Variants in SLC4A1AP observed in about 807,000 individuals in gnomAD.
SLC4A1AP encodes the protein solute carrier family 4 member 1 adaptor protein, also known as kanadaptin.
SLC4A1AP carries 64 observed loss-of-function variants against 89.7 expected under a neutral mutation model. The ratio of observed to expected loss-of-function variants is 0.71; its 90% CI spans 0.58 to 0.88. The LOEUF (loss-of-function observed/expected upper bound fraction) is 0.88. Among genes scored for constraint, SLC4A1AP ranks in the 40% least tolerant of loss-of-function variants. The probability of loss-of-function intolerance (pLI) is 0.00; values close to 1 mark genes in which losing one functional copy is unlikely to be tolerated. For missense variants in SLC4A1AP, 931 were observed against 965.0 expected (o/e 0.96, Z 0.47); for synonymous variants, 366 against 353.3 (o/e 1.04, Z -0.40).
intron 12 of SLC4A1AP, among the ~76,000 whole-genome samples, chr2:27,690,343 C>A (rs1342662377): frequency 6.6e-6 from 1 of 152,094 alleles, no homozygotes; most frequent in African/African-American, 2.4e-5. Flanking sequence ...GTCCATCATA[C>A]CACTCTGTAT....
At chr2:27,669,317 A>G (rs1443159035) in exon 5 of SLC4A1AP, 1 of 1,613,488 alleles carries the variant, frequency 6.2e-7, no homozygotes, top group Non-Finnish European at 8.5e-7. Flanking sequence ...AGAAAAAAGA[A>G]GCAATGATCC....
At chr2:27,682,388 T>G in intron 9 of SLC4A1AP, 29 bp downstream of exon 9, 1 of 1,420,696 alleles carries the variant, frequency 7.0e-7, no homozygotes, top group Non-Finnish European at 9.9e-7. Context: ...TGTTAAACTT[T>G]TAGCCCTTGA....
intron 10 of SLC4A1AP, among the ~76,000 whole-genome samples, chr2:27,687,109 A>T (rs1258780060): frequency 6.6e-6 from 1 of 151,872 alleles, no homozygotes. Flanking sequence ...CAGTTTATAT[A>T]TTGCTATTTT....
chr2:27,677,065 G>C (rs998545963), intron 6 of SLC4A1AP, among the ~76,000 whole-genome samples: 4 of 152,028 alleles, frequency 2.6e-5, no homozygotes, highest in Non-Finnish European at 5.9e-5. Context: ...CTTGAACCCG[G>C]GAGTCGGAGG....
chr2:27,671,402 G>A (rs1675426483), intron 5 of SLC4A1AP, among the ~76,000 whole-genome samples: 3 of 152,094 alleles, frequency 2.0e-5, no homozygotes, highest in South Asian at 4.1e-4. Context: ...TAATAATTGC[G>A]TTTGCTTTTC....
At chr2:27,675,164 A>T (rs1675496226) in intron 5 of SLC4A1AP, among the ~76,000 whole-genome samples, 1 of 152,226 alleles carries the variant, frequency 6.6e-6, no homozygotes, top group Non-Finnish European at 1.5e-5. Context: ...AATATTATGG[A>T]ACCATCAACA....
chr2:27,670,922 C>CTT lies in SLC4A1AP; in HGVS notation c.1345+1553_1345+1554dup, dbSNP rs34481114. On this transcript the variant is annotated intron_variant, in intron 5 of 13. Coordinates refer to ENST00000613058, the Ensembl canonical transcript of SLC4A1AP. The stretch of plus-strand genomic sequence containing the variant: ...CAAACACCTGTATTTCTTTTCTTTT[C>CTT]TTTTTTTTTTTTTTTTTTTGAGATG... Among the ~76,000 whole-genome samples, 216 of 111,822 alleles carry CTT rather than the reference C, an allele frequency of 1.9e-3. 4 individuals carry two copies. Among genetic ancestry groups the CTT allele is most frequent in the East Asian group, 3.0e-3 (11 of 3,660 alleles). The allele number at this position is 111,822 out of a possible 152,430, so 73.4% of individuals were successfully genotyped here.
At chr2:27,664,928 G>A (rs908167889) in intron 1 of SLC4A1AP, among the ~76,000 whole-genome samples, 172 bp from the exon 2 acceptor site, 2 of 151,638 alleles carry the variant, frequency 1.3e-5, no homozygotes, top group South Asian at 4.2e-4. Flanking sequence ...AAATTAGCCA[G>A]GCATCATGGT....
chr2:27,682,253 A>C, exon 9 of SLC4A1AP: 2 of 1,609,680 alleles, frequency 1.2e-6, no homozygotes, highest in Non-Finnish European at 1.7e-6. Context: ...CCTAGGACTG[A>C]AACTCAGACT....
At chr2:27,668,315 A>AT (rs988666221) in intron 3 of SLC4A1AP, among the ~76,000 whole-genome samples, 6 of 151,768 alleles carry the variant, frequency 4.0e-5, no homozygotes, top group Admixed American at 6.6e-5. Flanking sequence ...CGCCCGGCTA[A>AT]TTTTTTTTGT....
exon 5 of SLC4A1AP, chr2:27,669,294 A>G (rs1675382782): frequency 1.2e-6 from 2 of 1,613,402 alleles, no homozygotes; most frequent in Non-Finnish European, 1.7e-6. Context: ...GGCTGAGGCC[A>G]TTCACTCAGG....
intron 12 of SLC4A1AP, chr2:27,693,023 G>C (rs1371448864): frequency 6.6e-6 from 1 of 152,072 alleles, no homozygotes; most frequent in African/African-American, 2.4e-5. Context: ...TGTAACCTCT[G>C]CCTCCCGGGT....
At chr2:27,694,554 C>G (rs1675842491) in intron 13 of SLC4A1AP, 80 bp from the exon 14 acceptor site, 4 of 1,044,032 alleles carry the variant, frequency 3.8e-6, no homozygotes, top group Non-Finnish European at 5.4e-6. Flanking sequence ...TACTTTTTGG[C>G]CTACTGATAT....
At chr2:27,673,476 C>T (rs1007180790) in intron 5 of SLC4A1AP, among the ~76,000 whole-genome samples, 5 of 127,344 alleles carry the variant, frequency 3.9e-5, no homozygotes, top group Admixed American at 1.8e-4. Flanking sequence ...TCCTTCCTCC[C>T]TTCCTTCCTT....
intron 9 of SLC4A1AP, among the ~76,000 whole-genome samples, 196 bp from the exon 10 acceptor site, chr2:27,684,841 C>T (rs898832946): frequency 2.6e-4 from 40 of 152,238 alleles, no homozygotes; most frequent in Middle Eastern, 3.4e-3. Context: ...ACTCTAGGAA[C>T]TAATAAAGAC....
At chr2:27,678,720 CT>C (rs60572659) in intron 8 of SLC4A1AP, among the ~76,000 whole-genome samples, 1,480 of 139,092 alleles carry the variant, frequency 0.011, 14 homozygotes, top group African/African-American at 0.025. Context: ...AACCTAATAC[CT>C]TTTTTTTTTT....
In SLC4A1AP at chr2:27,664,018, C is replaced by T. The variant is rs759791589; in HGVS notation, c.266C>T (p.Ala89Val). ...GTGTCCCCAGCGGCGCGGAGTAAGG[C>T]CCCGGCCAGCAGTTCTTCAAACCCT... Residue 89 changes from alanine to valine, a missense_variant, in exon 1 of 14, where the codon GCC becomes GTC. By Grantham distance (64) the Ala-to-Val change is moderately conservative (BLOSUM62 0). Transcript: ENST00000613058. The T allele has an allele frequency of 4.3e-6, 7 of 1,614,238 alleles. No individual in the cohort carries two copies. In the Admixed American group the frequency reaches 1.2e-4, roughly 27 times the overall value.
chr2:27,664,681 G>T, intron 1 of SLC4A1AP, 104 bp downstream of exon 1: 3 of 843,788 alleles, frequency 3.6e-6, no homozygotes, highest in Non-Finnish European at 3.7e-6. Flanking sequence ...CAGCGATTAC[G>T]AAAGTGAAGG....
At chr2:27,684,005 T>C (rs142140353) in intron 9 of SLC4A1AP, among the ~76,000 whole-genome samples, 4 of 152,222 alleles carry the variant, frequency 2.6e-5, no homozygotes, top group African/African-American at 9.6e-5. Flanking sequence ...CTATGTATTC[T>C]GAATGAGTAA....
Sources: allele counts gnomAD v4.1 joint callset (sites outside exome capture counted in the v4.1 genomes callset), GRCh38; gene constraint gnomAD v4.1.1; transcripts MANE v1.5; gene names NCBI Gene and HGNC (gene_info 2026-07-23, HGNC 2026-07-21).